Variants in PDE3A observed in about 807,000 individuals in gnomAD.
PDE3A encodes phosphodiesterase 3A.
A neutral mutation model predicts 98.3 loss-of-function variants in PDE3A; 43 were observed. The ratio of observed to expected loss-of-function variants is 0.44; its 90% confidence interval spans 0.34 to 0.56. PDE3A has a LOEUF of 0.56. Ranked by LOEUF, PDE3A falls within the 20% of genes least tolerant of loss-of-function variation. PDE3A has a pLI of 0.01. For missense variants in PDE3A, 1,427 were observed against 1,440.7 expected, an observed-to-expected ratio of 0.99 and a Z score of 0.15; for synonymous variants, 663 against 567.9, an observed-to-expected ratio of 1.17 and a Z score of -2.38.
rs1945916258 is a variant in PDE3A at position 20,685,026 on chromosome 12, CTTACCTAATGGTGCTT to C, written c.*4764_*4779del. Among the ~76,000 whole-genome samples, 1 of 152,160 alleles carries C rather than the reference CTTACCTAATGGTGCTT, an allele frequency of 6.6e-6. No homozygotes were observed. Among genetic ancestry groups the C allele is most frequent in the Non-Finnish European group, 1.5e-5 (1 of 68,038 alleles). ...TTGTTGAAATACATGTTGCTTTGACCTTACCTAATGGTGCTTTTACCTAACTTGAAGTGCTTTTTGT... is the reference window on the plus strand; with the variant it reads ...TTGTTGAAATACATGTTGCTTTGACCTTACCTAACTTGAAGTGCTTTTTGT... On this transcript the variant is annotated 3_prime_UTR_variant, in exon 16 of 16. Transcript: ENST00000359062.
intron 1 of PDE3A, among the ~76,000 whole-genome samples, chr12:20,547,543 T>C (rs1277130312): frequency 6.6e-6 from 1 of 152,192 alleles, no homozygotes; most frequent in East Asian, 1.9e-4. Flanking sequence ...GTTTTAGCCA[T>C]CTTCAGCTGC....
intron 1 of PDE3A, among the ~76,000 whole-genome samples, chr12:20,478,693 A>T (rs1357500032): frequency 1.6e-4 from 24 of 152,194 alleles, no homozygotes; most frequent in Non-Finnish European, 8.8e-5. Context: ...AATATAATTA[A>T]AATGACATTT....
At chr12:20,374,348 AT>A (rs1943532479) in intron 1 of PDE3A, among the ~76,000 whole-genome samples, 1 of 152,078 alleles carries the variant, frequency 6.6e-6, no homozygotes, top group African/African-American at 2.4e-5. Context: ...GAAAACAGTA[AT>A]TTTACTCTTT....
At chr12:20,566,707 T>C (rs1942667431) in intron 2 of PDE3A, among the ~76,000 whole-genome samples, 1 of 151,904 alleles carries the variant, frequency 6.6e-6, no homozygotes, top group African/African-American at 2.4e-5. Context: ...TCAAAGATGA[T>C]GATTGGAAAA....
chr12:20,468,246 TA>T (rs1945377977), intron 1 of PDE3A, among the ~76,000 whole-genome samples: 1 of 152,210 alleles, frequency 6.6e-6, no homozygotes, highest in South Asian at 2.1e-4. Context: ...TCTTTCTTTT[TA>T]ATAACATTTT....
intron 1 of PDE3A, among the ~76,000 whole-genome samples, chr12:20,506,510 T>G (rs904070925): frequency 2.0e-5 from 3 of 152,082 alleles, no homozygotes; most frequent in African/African-American, 7.2e-5. Context: ...TTGCAAGAAT[T>G]TTTTGTCATA....
chr12:20,633,686 T>G lies in PDE3A; in HGVS notation c.1761-7T>G, dbSNP rs1451944994. 6.3e-7 allele frequency: 1 copy of G among 1,592,048 alleles called. No homozygotes were observed. The highest frequency in any genetic ancestry group is 8.6e-7 in the Non-Finnish European group (1 of 1,165,752). ...GCTACACCTATAGCTCTTCCAATATTTTTTAGCTGTGGCAGACCATATTCC... is the reference window on the plus strand; with the variant it reads ...GCTACACCTATAGCTCTTCCAATATGTTTTAGCTGTGGCAGACCATATTCC... On this transcript the variant is annotated splice_polypyrimidine_tract_variant and splice_region_variant and intron_variant, in intron 6 of 15. Coordinates refer to ENST00000359062, the MANE Select transcript of PDE3A (RefSeq NM_000921.5).
chr12:20,505,828 A>G (rs1459507670), intron 1 of PDE3A, among the ~76,000 whole-genome samples: 1 of 152,022 alleles, frequency 6.6e-6, no homozygotes, highest in African/African-American at 2.4e-5. Context: ...GCTTTTTGCA[A>G]GAAAATATTT....
rs9300151 is a variant in PDE3A, at chr12:20,649,105, T to G, written c.2769+214T>G. Reference sequence around the variant, plus strand: ...CACGCCTGCCTAATTTTTGTATTTTTTTTTTTTAGTAGAGATGGGGTTTCA... The same window carrying G: ...CACGCCTGCCTAATTTTTGTATTTTGTTTTTTTAGTAGAGATGGGGTTTCA... On this transcript the variant is annotated intron_variant, in intron 13 of 15. Coordinates refer to ENST00000359062, the MANE Select transcript of PDE3A (RefSeq NM_000921.5). Among the ~76,000 whole-genome samples, 68,703 of 151,016 alleles carry G rather than the reference T, an allele frequency of 0.45. 15,790 individuals carry two copies. The highest frequency in any genetic ancestry group is 0.56 in the South Asian group (2,657 of 4,772).
At chr12:20,478,889 T>C (rs1466868904) in intron 1 of PDE3A, among the ~76,000 whole-genome samples, 1 of 152,252 alleles carries the variant, frequency 6.6e-6, no homozygotes, top group Non-Finnish European at 1.5e-5. Flanking sequence ...GATTTTTGGA[T>C]AGTTGAAATG....
At chr12:20,636,061 A>T (rs1944506111) in intron 8 of PDE3A, among the ~76,000 whole-genome samples, 1 of 152,196 alleles carries the variant, frequency 6.6e-6, no homozygotes, top group Non-Finnish European at 1.5e-5. Context: ...AGGGAAGAAG[A>T]TATTCATTGT....
At chr12:20,545,777 CA>C (rs5796868) in intron 1 of PDE3A, among the ~76,000 whole-genome samples, 55,349 of 141,118 alleles carry the variant, frequency 0.39, 10,794 homozygotes, top group East Asian at 0.56. Context: ...TAGTGGCTGC[CA>C]AAAAAAAAAA....
chr12:20,529,027 A>G (rs974409750), intron 1 of PDE3A, among the ~76,000 whole-genome samples: 2 of 152,192 alleles, frequency 1.3e-5, no homozygotes, highest in African/African-American at 2.4e-5. Context: ...TTTTATCTCT[A>G]TAACGGGAAT....
At chr12:20,471,528 C>T (rs917706570) in intron 1 of PDE3A, among the ~76,000 whole-genome samples, 29 of 152,236 alleles carry the variant, frequency 1.9e-4, no homozygotes, top group African/African-American at 6.7e-4. Context: ...TCTCTCTTCC[C>T]CTCTGGGTTC....
chr12:20,454,147 T>A (rs1477886151), intron 1 of PDE3A, among the ~76,000 whole-genome samples: 1 of 152,192 alleles, frequency 6.6e-6, no homozygotes, highest in Non-Finnish European at 1.5e-5. Context: ...ATTTACTCAC[T>A]CTAGTCACAT....
chr12:20,544,171 A>G (rs943243264), intron 1 of PDE3A, among the ~76,000 whole-genome samples: 1 of 149,116 alleles, frequency 6.7e-6, no homozygotes, highest in Admixed American at 6.7e-5. Flanking sequence ...AAAACATTAT[A>G]TATAATATAT....
At chr12:20,494,134 T>C (rs1347675318) in intron 1 of PDE3A, among the ~76,000 whole-genome samples, 1 of 152,200 alleles carries the variant, frequency 6.6e-6, no homozygotes, top group African/African-American at 2.4e-5. Context: ...TCATCTAGAT[T>C]AAGTTGTCTT....
intron 1 of PDE3A, among the ~76,000 whole-genome samples, chr12:20,454,677 C>T (rs965781601): frequency 6.6e-6 from 1 of 152,116 alleles, no homozygotes; most frequent in Non-Finnish European, 1.5e-5. Flanking sequence ...CTCTATGTGT[C>T]CATGTGTTCT....
chr12:20,539,681 T>C (rs546304676), intron 1 of PDE3A, among the ~76,000 whole-genome samples: 3 of 152,208 alleles, frequency 2.0e-5, no homozygotes, highest in African/African-American at 7.2e-5. Flanking sequence ...GAAAGTGTCC[T>C]GAGGAAGTGT....
Sources: allele counts gnomAD v4.1 joint callset (sites outside exome capture counted in the v4.1 genomes callset), GRCh38; gene constraint gnomAD v4.1.1; transcripts MANE v1.5; gene names NCBI Gene and HGNC (gene_info 2026-07-23, HGNC 2026-07-21).